The following ARPC2 variants were observed in gnomAD, a reference collection of about 807,000 sequenced individuals.
ARPC2 encodes the protein actin related protein 2/3 complex subunit 2.
ARPC2 carries 4 observed loss-of-function variants against 38.6 expected under a neutral mutation model. That is an observed-to-expected ratio of 0.10 (90% confidence interval 0.05 to 0.24). The LOEUF is 0.24. ARPC2 is among the 10% of genes least tolerant of loss of function. ARPC2 has a pLI of 1.00. For synonymous variants in ARPC2, 125 were observed against 140.8 expected (o/e 0.89, Z 0.79); for missense variants, 229 against 387.3 (o/e 0.59, Z 3.43).
chr2:218,244,335 A>G (rs1689982786), intron 7 of ARPC2, among the ~76,000 whole-genome samples: 1 of 152,190 alleles, frequency 6.6e-6, no homozygotes, highest in Non-Finnish European at 1.5e-5. Flanking sequence ...CTAATTGTCG[A>G]GAGGGCTTGC....
chr2:218,240,766 A>C (rs1252041833), intron 7 of ARPC2, among the ~76,000 whole-genome samples: 2 of 152,110 alleles, frequency 1.3e-5, no homozygotes, highest in African/African-American at 4.8e-5. Context: ...GGTGGCAGGC[A>C]CCTGTAATCC....
intron 7 of ARPC2, among the ~76,000 whole-genome samples, chr2:218,244,695 G>A (rs1335430497): frequency 3.9e-5 from 6 of 152,368 alleles, no homozygotes; most frequent in East Asian, 1.9e-4. Context: ...AGAAGGGCAC[G>A]CAGGCCACAT....
At chr2:218,228,290 C>T (rs996188223) in intron 3 of ARPC2, among the ~76,000 whole-genome samples, 1 of 151,972 alleles carries the variant, frequency 6.6e-6, no homozygotes, top group Non-Finnish European at 1.5e-5. Context: ...GTAGTCCCAG[C>T]TACTCGGGAG....
intron 8 of ARPC2, 38 bp from the exon 9 acceptor site, chr2:218,249,326 T>A: frequency 6.8e-7 from 1 of 1,470,780 alleles, no homozygotes. Flanking sequence ...GGCATTTGTG[T>A]CGTGTCCTGA....
chr2:218,245,326 A>G, intron 7 of ARPC2, 94 bp from the exon 8 acceptor site: 2 of 1,524,898 alleles, frequency 1.3e-6, no homozygotes, highest in African/African-American at 2.8e-5. Flanking sequence ...GGAGGGCTAC[A>G]AAGGTCACAC....
intron 4 of ARPC2, chr2:218,233,696 G>A (rs1223760134): frequency 6.6e-6 from 1 of 151,532 alleles, no homozygotes; most frequent in Admixed American, 6.6e-5. Context: ...ATTCACCTGG[G>A]TTAGTGGCTC....
At chr2:218,240,769 T>TG (rs1004872200) in intron 7 of ARPC2, among the ~76,000 whole-genome samples, 1 of 152,132 alleles carries the variant, frequency 6.6e-6, no homozygotes, top group African/African-American at 2.4e-5. Flanking sequence ...GGCAGGCACC[T>TG]GTAATCCCAG....
intron 10 of ARPC2, among the ~76,000 whole-genome samples, chr2:218,252,167 G>A (rs1159784081): frequency 2.0e-5 from 3 of 152,102 alleles, no homozygotes; most frequent in African/African-American, 7.2e-5. Flanking sequence ...AGGTTGCGGT[G>A]AGCTAAGATC....
chr2:218,240,737 C>G (rs1222276458), intron 7 of ARPC2, among the ~76,000 whole-genome samples: 2 of 151,000 alleles, frequency 1.3e-5, no homozygotes, highest in African/African-American at 4.8e-5. Context: ...TAAAAAAATA[C>G]AAAAAATTAG....
chr2:218,240,681 A>G (rs533130481), intron 7 of ARPC2, among the ~76,000 whole-genome samples: 8 of 152,086 alleles, frequency 5.3e-5, no homozygotes, highest in Admixed American at 2.6e-4. Flanking sequence ...CACGAGGTCA[A>G]GAGGTCAAGA....
chr2:218,231,329 A>G (rs1689628238), intron 4 of ARPC2, among the ~76,000 whole-genome samples: 1 of 152,188 alleles, frequency 6.6e-6, no homozygotes, highest in Non-Finnish European at 1.5e-5. Flanking sequence ...GAGGGAGCAA[A>G]GCAGTTGAAC....
At chr2:218,220,242 A>T (rs1689353151) in intron 2 of ARPC2, among the ~76,000 whole-genome samples, 1 of 152,174 alleles carries the variant, frequency 6.6e-6, no homozygotes. Flanking sequence ...GCTCCACCCT[A>T]CTTTTTGCAC....
At chr2:218,226,299 A>AG (rs1370999866) in intron 3 of ARPC2, among the ~76,000 whole-genome samples, 13 of 150,998 alleles carry the variant, frequency 8.6e-5, no homozygotes, top group African/African-American at 2.9e-4. Context: ...CAAAAAAAAA[A>AG]AGAGAGAGAC....
At chr2:218,252,383 A>G (rs750144134) in intron 10 of ARPC2, among the ~76,000 whole-genome samples, 3 of 152,182 alleles carry the variant, frequency 2.0e-5, no homozygotes, top group Non-Finnish European at 4.4e-5. Context: ...AAAGTGACCA[A>G]CAAGGTGGGT....
At chr2:218,249,155 G>C (rs1690119075) in intron 8 of ARPC2, among the ~76,000 whole-genome samples, 1 of 152,094 alleles carries the variant, frequency 6.6e-6, no homozygotes, top group Admixed American at 6.6e-5. Flanking sequence ...TTTCATCGTG[G>C]GCTCCTCCAT....
At chr2:218,241,766 C>G (rs1689921977) in intron 7 of ARPC2, among the ~76,000 whole-genome samples, 1 of 152,198 alleles carries the variant, frequency 6.6e-6, no homozygotes, top group Non-Finnish European at 1.5e-5. Flanking sequence ...AAGACAAAGC[C>G]TCTTTTGCAT....
intron 2 of ARPC2, among the ~76,000 whole-genome samples, chr2:218,224,815 A>G (rs1237843134): frequency 1.3e-5 from 2 of 152,202 alleles, no homozygotes; most frequent in Non-Finnish European, 2.9e-5. Flanking sequence ...TCTGGCTTCT[A>G]TATCAGCTTT....
At chr2:218,231,433 A>C (rs1170684675) in intron 4 of ARPC2, among the ~76,000 whole-genome samples, 1 of 152,250 alleles carries the variant, frequency 6.6e-6, no homozygotes, top group East Asian at 1.9e-4. Flanking sequence ...TTAGGGATTT[A>C]AACTAAATCC....
At chr2:218,245,087 A>G (rs1689999953) in intron 7 of ARPC2, among the ~76,000 whole-genome samples, 1 of 152,240 alleles carries the variant, frequency 6.6e-6, no homozygotes, top group African/African-American at 2.4e-5. Context: ...CAGGATCCTC[A>G]GTGAAAAAAG....
Sources: gnomAD v4.1 joint callset for allele counts (sites outside exome capture counted in the v4.1 genomes callset) on GRCh38, gnomAD v4.1.1 for gene constraint, MANE v1.5 for transcripts, NCBI Gene and HGNC (gene_info 2026-07-23, HGNC 2026-07-21) for gene names.